The following RORA variants were observed in gnomAD, a reference collection of about 807,000 sequenced individuals.
RORA encodes RAR related orphan receptor A.
A neutral mutation model predicts 69.5 loss-of-function variants in RORA; 7 were observed. The observed-to-expected ratio is 0.10, with a 90% CI of 0.06 to 0.19. The LOEUF (loss-of-function observed/expected upper bound fraction) is 0.19, where lower values mean the gene tolerates loss of function less well. Ranked by LOEUF, RORA falls within the 10% of genes least tolerant of loss-of-function variation. The pLI, the probability that RORA is intolerant of heterozygous loss-of-function variation, is 1.00. For synonymous variants in RORA, 261 were observed against 240.8 expected (o/e 1.08, Z -0.78); for missense variants, 457 against 663.0 (o/e 0.69, Z 3.41).
chr15:61,140,638 A>G (rs1264099012), intron 1 of RORA, among the ~76,000 whole-genome samples: 2 of 152,090 alleles, frequency 1.3e-5, no homozygotes, highest in African/African-American at 2.4e-5. Context: ...GGGGACCCCA[A>G]AACTTTAGCA....
At chr15:61,178,639 C>A (rs2079653227) in intron 1 of RORA, among the ~76,000 whole-genome samples, 1 of 151,690 alleles carries the variant, frequency 6.6e-6, no homozygotes, top group African/African-American at 2.4e-5. Context: ...AACCATCACC[C>A]CAAGATTCTT....
chr15:61,032,018 T>G (rs1331940419), intron 1 of RORA, among the ~76,000 whole-genome samples: 1 of 152,222 alleles, frequency 6.6e-6, no homozygotes, highest in Non-Finnish European at 1.5e-5. Flanking sequence ...TGTCTCAAAA[T>G]AGTGTCTTTT....
At chr15:60,773,312 CT>C (rs566804718) in intron 1 of RORA, among the ~76,000 whole-genome samples, 5 of 151,890 alleles carry the variant, frequency 3.3e-5, no homozygotes, top group African/African-American at 9.7e-5. Context: ...TACTGAAAAC[CT>C]TTTTTTTCTC....
intron 1 of RORA, among the ~76,000 whole-genome samples, chr15:61,024,951 T>C (rs1196238862): frequency 1.3e-5 from 2 of 152,238 alleles, no homozygotes; most frequent in Non-Finnish European, 2.9e-5. Flanking sequence ...TAAGCAATTT[T>C]ATATCTTCTG....
intron 1 of RORA, among the ~76,000 whole-genome samples, chr15:60,683,675 C>CACAT (rs1555445514): frequency 2.6e-5 from 4 of 151,546 alleles, no homozygotes; most frequent in East Asian, 3.9e-4. Context: ...CACACACACA[C>CACAT]GGCAGGTGTA....
At chr15:60,597,563 TATATATATATACAC>T (rs1263771740) in intron 2 of RORA, among the ~76,000 whole-genome samples, 102 of 32,582 alleles carry the variant, frequency 3.1e-3, no homozygotes, top group Middle Eastern at 0.015. Flanking sequence ...TATATATATA[TATATATATATACAC>T]ATATATATAT....
intron 2 of RORA, among the ~76,000 whole-genome samples, chr15:60,584,191 G>A (rs531539466): frequency 1.3e-5 from 2 of 152,268 alleles, no homozygotes; most frequent in African/African-American, 4.8e-5. Flanking sequence ...GCCTTCGTGG[G>A]CCTCACCCCA....
chr15:60,707,505 A>G (rs551530930), intron 1 of RORA, among the ~76,000 whole-genome samples: 70 of 152,084 alleles, frequency 4.6e-4, no homozygotes, highest in African/African-American at 1.6e-3. Context: ...CTGGGTCTAC[A>G]GGTGCCCGCC....
rs139578860 is a variant in RORA, at chr15:61,170,016, T to C, written c.166+59037A>G. Among the ~76,000 whole-genome samples, 490 of 152,272 alleles carry C rather than the reference T, an allele frequency of 3.2e-3. 1 individual carries two copies. Among genetic ancestry groups the C allele is most frequent in the Non-Finnish European group, 5.8e-3 (395 of 68,022 alleles). The stretch of plus-strand genomic sequence containing the variant: ...TCTAAGCGTGTGTACTAGAATTGGA[T>C]GTGGGTGTGTTTACTTCTGCACTGC... On this transcript the variant is annotated intron_variant, in intron 1 of 10. Coordinates refer to ENST00000335670, the MANE Select transcript of RORA (RefSeq NM_134261.3).
chr15:60,493,411 A>C lies in RORA; in HGVS notation c.*4044T>G, dbSNP rs886930875. On this transcript the variant is annotated 3_prime_UTR_variant, in exon 11 of 11. Transcript: ENST00000335670. ...CTATGTACATATTGCACTAGAGAGGAATGAAGAACATGTGCAAAAAAGCAA... is the reference window on the plus strand; with the variant it reads ...CTATGTACATATTGCACTAGAGAGGCATGAAGAACATGTGCAAAAAAGCAA... The C allele has an allele frequency of 2.0e-5, 3 of 152,196 alleles. No individual in the cohort carries two copies. Among genetic ancestry groups the C allele is most frequent in the Admixed American group, 2.0e-4 (3 of 15,286 alleles). 9.4% of individuals were successfully genotyped at this position (152,196 alleles called of 1,614,324 possible).
chr15:61,135,536 C>T (rs1444571939), intron 1 of RORA, among the ~76,000 whole-genome samples: 1 of 135,946 alleles, frequency 7.4e-6, no homozygotes, highest in African/African-American at 2.7e-5. Flanking sequence ...CACTTTGATG[C>T]TATTCTCACA....
At position 60,712,002 on chromosome 15, in the gene RORA, C is replaced by A. The variant is rs568669771; in HGVS notation, c.167-33316G>T. Among the ~76,000 whole-genome samples, 29 of 152,176 alleles carry A rather than the reference C, an allele frequency of 1.9e-4. 2 individuals are homozygous for A. In the South Asian group the frequency reaches 2.7e-3, roughly 14 times the overall value. ...ATAAAACTATTTTGTGATACGTAGTCTAATAATACACAGATTTTTTTAAAC... is the reference window on the plus strand; with the variant it reads ...ATAAAACTATTTTGTGATACGTAGTATAATAATACACAGATTTTTTTAAAC... On this transcript the variant is annotated intron_variant, in intron 1 of 10. Transcript: ENST00000335670.
chr15:60,644,723 G>A lies in RORA; in HGVS notation c.196+33934C>T, dbSNP rs565444578. 1.2e-4 allele frequency among the ~76,000 whole-genome samples: 18 copies of A among 152,212 alleles called. No individual in the cohort carries two copies. The South Asian group carries it at 3.7e-3, about 32-fold the overall frequency. ...CTCTCTCTTCCCAAAGAGACAAACCGTGTTCTGTGGCTGGTGTGTGTCCTC... is the reference window on the plus strand; with the variant it reads ...CTCTCTCTTCCCAAAGAGACAAACCATGTTCTGTGGCTGGTGTGTGTCCTC... On this transcript the variant is annotated intron_variant, in intron 2 of 10. Transcript: ENST00000335670.
intron 2 of RORA, chr15:60,592,488 GC>G: frequency 2.3e-6 from 3 of 1,330,820 alleles, no homozygotes; most frequent in South Asian, 3.9e-5. Context: ...CCGCCGCCGC[GC>G]CGCCGCCGCC....
At chr15:61,161,291 C>A (rs1011624414) in intron 1 of RORA, among the ~76,000 whole-genome samples, 13 of 152,178 alleles carry the variant, frequency 8.5e-5, no homozygotes, top group Admixed American at 2.0e-4. Context: ...GGCAGAAGAG[C>A]AGCAGCAGTC....
chr15:60,914,345 C>T (rs1891809913), intron 1 of RORA, among the ~76,000 whole-genome samples: 1 of 152,162 alleles, frequency 6.6e-6, no homozygotes. Context: ...CTCCTAGCCA[C>T]AGAGAATGAA....
chr15:60,705,821 T>A (rs957590680), intron 1 of RORA, among the ~76,000 whole-genome samples: 1 of 152,212 alleles, frequency 6.6e-6, no homozygotes, highest in African/African-American at 2.4e-5. Context: ...TGCTTAATGA[T>A]CCTACAAGGA....
intron 1 of RORA, among the ~76,000 whole-genome samples, chr15:61,198,175 T>C (rs1332462554): frequency 6.6e-6 from 1 of 152,110 alleles, no homozygotes; most frequent in East Asian, 1.9e-4. Context: ...AAAATTGATA[T>C]GGATGCAAAC....
chr15:60,649,250 A>C (rs1486339589), intron 2 of RORA, among the ~76,000 whole-genome samples: 2 of 152,064 alleles, frequency 1.3e-5, no homozygotes, highest in Non-Finnish European at 2.9e-5. Context: ...GGAAAAAAAA[A>C]AAAAATCCCC....
Sources: gnomAD v4.1 joint callset for allele counts (sites outside exome capture counted in the v4.1 genomes callset) on GRCh38, gnomAD v4.1.1 for gene constraint, MANE v1.5 for transcripts, NCBI Gene and HGNC (gene_info 2026-07-23, HGNC 2026-07-21) for gene names.